Variants in ARHGAP24 observed in about 807,000 individuals in gnomAD.
The protein encoded by ARHGAP24 is rho GTPase-activating protein 24.
A neutral mutation model predicts 76.4 loss-of-function variants in ARHGAP24; 50 were observed. The observed-to-expected ratio is 0.65, with a 90% CI of 0.52 to 0.83. The LOEUF (loss-of-function observed/expected upper bound fraction) is 0.83. ARHGAP24 is among the 40% of genes least tolerant of loss of function. The probability of loss-of-function intolerance (pLI) is 0.00; values close to 1 mark genes in which losing one functional copy is unlikely to be tolerated. For missense variants in ARHGAP24, 930 were observed against 914.2 expected (o/e 1.02, Z -0.22); for synonymous variants, 345 against 323.3 (o/e 1.07, Z -0.72).
intron 3 of ARHGAP24, among the ~76,000 whole-genome samples, chr4:85,772,569 T>A (rs1363353519): frequency 2.6e-5 from 4 of 152,214 alleles, no homozygotes; most frequent in Non-Finnish European, 2.9e-5. Context: ...AACTAGGGTA[T>A]CTGCCAAGTT....
chr4:85,871,785 T>C (rs1031477213), intron 3 of ARHGAP24, among the ~76,000 whole-genome samples: 1 of 152,202 alleles, frequency 6.6e-6, no homozygotes, highest in Admixed American at 6.5e-5. Context: ...TTAATTCTCC[T>C]CTCAGGGACA....
At chr4:85,502,439 A>G (rs377000333) in intron 1 of ARHGAP24, among the ~76,000 whole-genome samples, 1 of 152,146 alleles carries the variant, frequency 6.6e-6, no homozygotes, top group Admixed American at 6.6e-5. Flanking sequence ...GGTCCTTCAC[A>G]TCCCTTGTAA....
chr4:85,616,062 C>A (rs915464251), intron 2 of ARHGAP24, among the ~76,000 whole-genome samples: 1 of 152,170 alleles, frequency 6.6e-6, no homozygotes, highest in Non-Finnish European at 1.5e-5. Flanking sequence ...AGATCAGACA[C>A]TGGAGAACTT....
intron 2 of ARHGAP24, among the ~76,000 whole-genome samples, chr4:85,587,414 C>G (rs1471163350): frequency 6.6e-6 from 1 of 152,126 alleles, no homozygotes; most frequent in Non-Finnish European, 1.5e-5. Flanking sequence ...TGTGTGTGAT[C>G]ATCCTTTTAA....
At chr4:85,599,670 TA>T (rs776702931) in intron 2 of ARHGAP24, among the ~76,000 whole-genome samples, 4 of 150,124 alleles carry the variant, frequency 2.7e-5, no homozygotes, top group South Asian at 2.1e-4. Flanking sequence ...GCTATTAAAT[TA>T]TTTTTTTTTT....
At chr4:85,824,819 G>A (rs763825901) in intron 3 of ARHGAP24, among the ~76,000 whole-genome samples, 1 of 152,192 alleles carries the variant, frequency 6.6e-6, no homozygotes, top group Non-Finnish European at 1.5e-5. Context: ...GGCCAGGTTG[G>A]TAGCTCATGC....
rs1442587764 is a variant in ARHGAP24 at position 85,553,304 on chromosome 4, C to T, written c.-20-17218C>T. ...GGGAAGGGGACCCGCAGTGGGTTGC[C>T]GCTACTGGCTCAGGTGGCCTGCTTT... is the stretch of plus-strand genomic sequence containing the variant. On this transcript the variant is annotated intron_variant, in intron 1 of 9. Transcript: ENST00000395184. Among the ~76,000 whole-genome samples, 18 of 152,210 alleles carry T rather than the reference C, an allele frequency of 1.2e-4. 1 individual carries two copies. The highest frequency in any genetic ancestry group is 1.2e-3 in the East Asian group (6 of 5,184).
intron 8 of ARHGAP24, chr4:85,991,667 G>A (rs553125690): frequency 6.5e-6 from 1 of 152,732 alleles, no homozygotes; most frequent in African/African-American, 2.4e-5. Flanking sequence ...GAGACAGAAA[G>A]CACATCAAGG....
At chr4:85,501,257 G>A (rs977315889) in intron 1 of ARHGAP24, among the ~76,000 whole-genome samples, 8 of 152,158 alleles carry the variant, frequency 5.3e-5, no homozygotes, top group Admixed American at 1.3e-4. Context: ...GGATGGCTGG[G>A]TCAAATGGTA....
chr4:85,702,852 A>G (rs1044295368), intron 2 of ARHGAP24, among the ~76,000 whole-genome samples: 1 of 152,122 alleles, frequency 6.6e-6, no homozygotes, highest in Admixed American at 6.6e-5. Flanking sequence ...CAGAAATTTT[A>G]ACTTGTTATA....
chr4:85,759,766 G>A (rs578235111), intron 3 of ARHGAP24, among the ~76,000 whole-genome samples: 1 of 152,234 alleles, frequency 6.6e-6, no homozygotes, highest in East Asian at 1.9e-4. Context: ...ACATTAAAGG[G>A]GGAACAAGTT....
chr4:85,503,695 G>GT (rs1560511550), intron 1 of ARHGAP24, among the ~76,000 whole-genome samples: 1 of 152,026 alleles, frequency 6.6e-6, no homozygotes, highest in Non-Finnish European at 1.5e-5. Flanking sequence ...TTTTTGAAGG[G>GT]TTTTTTGTGT....
chr4:85,996,193 C>CA (rs1740648683), intron 9 of ARHGAP24, among the ~76,000 whole-genome samples: 1 of 152,130 alleles, frequency 6.6e-6, no homozygotes, highest in Non-Finnish European at 1.5e-5. Flanking sequence ...CCATAAGAGC[C>CA]AGGTGACATA....
chr4:85,782,034 C>A (rs1458720971), intron 3 of ARHGAP24, among the ~76,000 whole-genome samples: 1 of 94,438 alleles, frequency 1.1e-5, no homozygotes, highest in Admixed American at 1.5e-4. Flanking sequence ...GAGATTCTAT[C>A]TCAAAAAAAA....
intron 3 of ARHGAP24, among the ~76,000 whole-genome samples, chr4:85,757,872 G>C (rs1020848622): frequency 1.3e-5 from 2 of 152,156 alleles, no homozygotes; most frequent in African/African-American, 4.8e-5. Flanking sequence ...ATCCTCTCCA[G>C]CACCTGTTGT....
intron 3 of ARHGAP24, among the ~76,000 whole-genome samples, chr4:85,812,211 G>A (rs2110114097): frequency 6.6e-6 from 1 of 151,798 alleles, no homozygotes; most frequent in South Asian, 2.1e-4. Flanking sequence ...AAAAATAAAT[G>A]TGTTTTCTGT....
chr4:85,639,703 T>TAAAA (rs3028175), intron 2 of ARHGAP24, among the ~76,000 whole-genome samples: 108 of 146,888 alleles, frequency 7.4e-4, no homozygotes, highest in African/African-American at 1.3e-3. Flanking sequence ...GAATAATTGG[T>TAAAA]AAAAAAAAAA....
chr4:85,951,137 C>T (rs760903520), intron 5 of ARHGAP24, among the ~76,000 whole-genome samples: 7 of 151,796 alleles, frequency 4.6e-5, no homozygotes, highest in Non-Finnish European at 7.4e-5. Context: ...CCTTGGTCTC[C>T]GGTGGCAGAT....
chr4:85,762,256 T>A (rs1408367913), intron 3 of ARHGAP24, among the ~76,000 whole-genome samples: 1 of 152,246 alleles, frequency 6.6e-6, no homozygotes, highest in Non-Finnish European at 1.5e-5. Flanking sequence ...TCATTCACTT[T>A]TATTTTTAAA....
Sources: allele counts gnomAD v4.1 joint callset (sites outside exome capture counted in the v4.1 genomes callset), GRCh38; gene constraint gnomAD v4.1.1; transcripts MANE v1.5; gene names NCBI Gene and HGNC (gene_info 2026-07-23, HGNC 2026-07-21).